Variants in IFRD1 observed in about 807,000 individuals in gnomAD.
IFRD1 encodes the protein interferon related developmental regulator 1.
IFRD1 carries 35 observed loss-of-function variants against 52.9 expected under a neutral mutation model. The ratio of observed to expected loss-of-function variants is 0.66; its 90% CI spans 0.51 to 0.88. The LOEUF (loss-of-function observed/expected upper bound fraction) is 0.88, where lower values mean the gene tolerates loss of function less well. Ranked by LOEUF, IFRD1 falls within the 40% of genes least tolerant of loss-of-function variation. The probability of loss-of-function intolerance (pLI) is 0.00; values close to 1 mark genes in which losing one functional copy is unlikely to be tolerated. For missense variants in IFRD1, 517 were observed against 550.8 expected (o/e 0.94, Z 0.61); for synonymous variants, 184 against 188.4 (o/e 0.98, Z 0.19).
chr7:112,433,674 A>T (rs1198270232), intron 1 of IFRD1, among the ~76,000 whole-genome samples: 1 of 152,184 alleles, frequency 6.6e-6, no homozygotes, highest in Non-Finnish European at 1.5e-5. Flanking sequence ...TAAACTATAA[A>T]CTAAGTTCCT....
At chr7:112,433,058 G>A (rs371816866) in intron 1 of IFRD1, among the ~76,000 whole-genome samples, 1 of 152,160 alleles carries the variant, frequency 6.6e-6, no homozygotes, top group Non-Finnish European at 1.5e-5. Context: ...GATATTAAAT[G>A]GTTAAAACGT....
chr7:112,450,969 C>T, intron 1 of IFRD1, 187 bp downstream of exon 1: 2 of 630,148 alleles, frequency 3.2e-6, no homozygotes, highest in Non-Finnish European at 5.7e-6. Flanking sequence ...CGATTTAGAT[C>T]TGGCGTGCGA....
At chr7:112,427,491 C>T (rs974434605) in intron 1 of IFRD1, among the ~76,000 whole-genome samples, 5 of 152,150 alleles carry the variant, frequency 3.3e-5, no homozygotes, top group Admixed American at 3.3e-4. Flanking sequence ...ATTTTGTGGT[C>T]TTTTTGTCTC....
intron 1 of IFRD1, among the ~76,000 whole-genome samples, chr7:112,454,111 T>A (rs986201337): frequency 4.6e-5 from 7 of 152,204 alleles, no homozygotes; most frequent in African/African-American, 1.7e-4. Flanking sequence ...TAAGTGACTG[T>A]ATATTTATTC....
At chr7:112,454,197 A>C (rs929892884) in intron 1 of IFRD1, among the ~76,000 whole-genome samples, 18 of 151,582 alleles carry the variant, frequency 1.2e-4, no homozygotes, top group African/African-American at 3.9e-4. Flanking sequence ...CAGCATTGGT[A>C]CTTTTTTTTT....
chr7:112,457,633 CT>C, intron 4 of IFRD1: 1 of 152,310 alleles, frequency 6.6e-6, no homozygotes, highest in South Asian at 2.1e-4. Context: ...AATTGTGGCA[CT>C]TTGGGAGACC....
intron 8 of IFRD1, among the ~76,000 whole-genome samples, chr7:112,464,598 TA>T (rs1406568483): frequency 6.6e-6 from 1 of 152,234 alleles, no homozygotes; most frequent in Non-Finnish European, 1.5e-5. Flanking sequence ...GTGTAAGTGT[TA>T]GCTGTTACTT....
intron 2 of IFRD1, 25 bp downstream of exon 2, chr7:112,455,892 C>A: frequency 6.5e-7 from 1 of 1,530,984 alleles, no homozygotes; most frequent in Non-Finnish European, 9.1e-7. Context: ...TTTAAATTTG[C>A]AACTTTAGAT....
At position 112,430,303 on chromosome 7, in the gene IFRD1, CTTCAGGGA is replaced by C. The variant is rs1246058459; in HGVS notation, c.-182+6881_-182+6888del. On this transcript the variant is annotated intron_variant, in intron 1 of 12. Transcript: ENST00000005558. The stretch of plus-strand genomic sequence containing the variant: ...CCCAAGCCTCCTGATTGTTGTGGTA[CTTCAGGGA>C]TTCAGGGATGGGCATGTGTCAGTGC... Among the ~76,000 whole-genome samples, 7 of 152,274 alleles carry C rather than the reference CTTCAGGGA, an allele frequency of 4.6e-5. No individual in the cohort carries two copies. In the East Asian group the frequency reaches 1.3e-3, roughly 29 times the overall value.
chr7:112,426,306 A>G (rs191795858), intron 1 of IFRD1, among the ~76,000 whole-genome samples: 3 of 152,308 alleles, frequency 2.0e-5, no homozygotes, highest in African/African-American at 7.2e-5. Flanking sequence ...TTGAGTATGG[A>G]CATTTGGCCA....
At chr7:112,431,077 C>T (rs773267969) in intron 1 of IFRD1, among the ~76,000 whole-genome samples, 5 of 152,022 alleles carry the variant, frequency 3.3e-5, no homozygotes, top group East Asian at 3.9e-4. Context: ...ATTTTTCGAG[C>T]GTATTGCTGT....
At chr7:112,441,989 C>G (rs78054907) in intron 1 of IFRD1, among the ~76,000 whole-genome samples, 3,883 of 152,264 alleles carry the variant, frequency 0.026, 150 homozygotes, top group African/African-American at 0.087. Context: ...TAAATATCTG[C>G]TTACTAATAT....
intron 1 of IFRD1, among the ~76,000 whole-genome samples, chr7:112,442,080 GTAAGTGGTTGA>G (rs2117260099): frequency 6.6e-6 from 1 of 152,330 alleles, no homozygotes; most frequent in Non-Finnish European, 1.5e-5. Context: ...CACCAAACTA[GTAAGTGGTTGA>G]TAAGGCATTT....
chr7:112,437,104 C>G (rs1408117704), intron 1 of IFRD1: 1 of 154,524 alleles, frequency 6.5e-6, no homozygotes, highest in East Asian at 1.9e-4. Flanking sequence ...GTGTGTGACC[C>G]AGCTAATACC....
chr7:112,445,057 GCTTT>G (rs1275172968), intron 1 of IFRD1, among the ~76,000 whole-genome samples: 1 of 143,920 alleles, frequency 6.9e-6, no homozygotes, highest in East Asian at 2.0e-4. Flanking sequence ...ATAGGCCTAG[GCTTT>G]CTTTTTTTTT....
At chr7:112,468,192 T>C in intron 9 of IFRD1, 77 bp downstream of exon 9, 1 of 1,446,386 alleles carries the variant, frequency 6.9e-7, no homozygotes, top group Non-Finnish European at 9.7e-7. Context: ...AATTGTACCA[T>C]TTTGTTGATT....
chr7:112,473,195 C>T (rs905745615), intron 11 of IFRD1, among the ~76,000 whole-genome samples: 8 of 152,016 alleles, frequency 5.3e-5, no homozygotes, highest in African/African-American at 9.6e-5. Context: ...TTTGACAACA[C>T]GTTAAAATTT....
intron 1 of IFRD1, among the ~76,000 whole-genome samples, chr7:112,444,333 CA>C (rs1427102043): frequency 6.6e-6 from 1 of 152,028 alleles, no homozygotes; most frequent in African/African-American, 2.4e-5. Flanking sequence ...TTCTACACAA[CA>C]AAAAGAAAAA....
At chr7:112,448,590 A>T (rs78878231), upstream of IFRD1, among the ~76,000 whole-genome samples, 3,037 of 152,258 alleles carry the variant, frequency 0.02, 57 homozygotes, top group Non-Finnish European at 0.025. Context: ...CCTCCCCCAC[A>T]ACCTGCCTCC....
Sources: allele counts gnomAD v4.1 joint callset (sites outside exome capture counted in the v4.1 genomes callset), GRCh38; gene constraint gnomAD v4.1.1; transcripts MANE v1.5; gene names NCBI Gene and HGNC (gene_info 2026-07-23, HGNC 2026-07-21).